FER: variants seen among roughly 807,000 people sequenced by gnomAD.
The protein encoded by FER is tyrosine-protein kinase Fer.
FER carries 63 observed loss-of-function variants against 111.0 expected under a neutral mutation model. The ratio of observed to expected loss-of-function variants is 0.57; its 90% CI spans 0.46 to 0.70. FER has a LOEUF of 0.70. FER is among the 30% of genes least tolerant of loss of function. FER has a pLI of 0.00. For synonymous variants in FER, 327 were observed against 313.9 expected, an observed-to-expected ratio of 1.04 and a Z score of -0.44; for missense variants, 914 against 954.0, an observed-to-expected ratio of 0.96 and a Z score of 0.55.
chr5:109,081,852 A>G (rs1047075233), intron 16 of FER, among the ~76,000 whole-genome samples: 1 of 152,024 alleles, frequency 6.6e-6, no homozygotes, highest in South Asian at 2.1e-4. Flanking sequence ...TTATTAATTT[A>G]TTACTTTTTC....
rs1753520367 is a variant in FER at position 108,924,810 on chromosome 5, A to G, written c.1237-21320A>G. On this transcript the variant is annotated intron_variant, in intron 10 of 19. Coordinates refer to ENST00000281092, the MANE Select transcript of FER (RefSeq NM_005246.4). The stretch of plus-strand genomic sequence containing the variant: ...ATCAGGTAAGGAGAAGTTCTGCCAC[A>G]GGCCTACTTTACCCAGGGCCCCAGA... The G allele has an allele frequency of 7.3e-6, 9 of 1,231,406 alleles. No individual in the cohort carries two copies. In the East Asian group the frequency reaches 2.5e-4, roughly 35 times the overall value. The allele number at this position is 1,231,406 out of a possible 1,614,324, so 76.3% of individuals were successfully genotyped here.
At chr5:108,949,231 C>G (rs1370223829) in intron 11 of FER, among the ~76,000 whole-genome samples, 1 of 152,020 alleles carries the variant, frequency 6.6e-6, no homozygotes, top group Non-Finnish European at 1.5e-5. Context: ...ATGTGAACTG[C>G]TTGTATTTTT....
chr5:108,847,265 C>A (rs938232698), intron 5 of FER, among the ~76,000 whole-genome samples: 13 of 149,802 alleles, frequency 8.7e-5, no homozygotes, highest in Non-Finnish European at 1.5e-4. Context: ...GTGTGTTTTT[C>A]TTTGATTCAT....
chr5:109,084,482 G>GTATTTAT (rs2150028025), intron 16 of FER, among the ~76,000 whole-genome samples: 1 of 148,760 alleles, frequency 6.7e-6, no homozygotes, highest in East Asian at 1.9e-4. Flanking sequence ...TCTGTTATGT[G>GTATTTAT]GGGTTATTTT....
chr5:109,042,368 C>A (rs1473789646), intron 14 of FER, among the ~76,000 whole-genome samples: 1 of 152,090 alleles, frequency 6.6e-6, no homozygotes, highest in Admixed American at 6.5e-5. Flanking sequence ...TATATTCAGT[C>A]CCTCACCTCC....
At chr5:109,172,864 G>A (rs1277409614) in intron 17 of FER, among the ~76,000 whole-genome samples, 9 of 151,816 alleles carry the variant, frequency 5.9e-5, no homozygotes, top group African/African-American at 1.9e-4. Context: ...TTGACTGAGA[G>A]AAATTTATAT....
chr5:108,953,923 T>A lies in FER; in HGVS notation c.1330-806T>A, dbSNP rs369911821. ...CAACAACATCAACAAGATTCTTACT[T>A]GTAATCAGAAAATGTGTGATTTAAT... On this transcript the variant is annotated intron_variant, in intron 11 of 19. Transcript: ENST00000281092. Among the ~76,000 whole-genome samples the A allele has an allele frequency of 4.6e-5, 7 of 152,078 alleles. No homozygotes were observed. In the East Asian group the frequency reaches 9.6e-4, roughly 21 times the overall value.
chr5:108,848,850 T>C (rs992400667), intron 5 of FER, among the ~76,000 whole-genome samples: 1 of 152,132 alleles, frequency 6.6e-6, no homozygotes, highest in Non-Finnish European at 1.5e-5. Flanking sequence ...TTTCTTGTAA[T>C]GTAGGTCTGC....
At chr5:109,135,132 G>A (rs541697344) in intron 17 of FER, among the ~76,000 whole-genome samples, 83 of 152,300 alleles carry the variant, frequency 5.4e-4, no homozygotes, top group African/African-American at 1.9e-3. Context: ...GTTGATACCT[G>A]TGGAACACAA....
At chr5:109,112,574 A>T (rs1038616174) in intron 17 of FER, among the ~76,000 whole-genome samples, 8 of 151,720 alleles carry the variant, frequency 5.3e-5, no homozygotes, top group Non-Finnish European at 1.0e-4. Context: ...CACCTCTCTC[A>T]CTCTCTCTTT....
chr5:108,895,374 C>G (rs1021972757), intron 9 of FER, among the ~76,000 whole-genome samples: 2 of 152,118 alleles, frequency 1.3e-5, no homozygotes, highest in East Asian at 1.9e-4. Flanking sequence ...GATTTATTCT[C>G]TTATAGTTCT....
intron 13 of FER, among the ~76,000 whole-genome samples, chr5:108,979,274 A>T (rs1761756604): frequency 6.6e-6 from 1 of 152,086 alleles, no homozygotes; most frequent in African/African-American, 2.4e-5. Context: ...CACCTTCTCT[A>T]CCAGCTGTAT....
intron 17 of FER, among the ~76,000 whole-genome samples, chr5:109,176,230 A>G (rs990885874): frequency 2.0e-5 from 3 of 152,218 alleles, no homozygotes; most frequent in Non-Finnish European, 2.9e-5. Context: ...AAGATAAGGA[A>G]TCAACCTAAA....
intron 3 of FER, among the ~76,000 whole-genome samples, chr5:108,811,369 T>A (rs1757743699): frequency 6.6e-6 from 1 of 152,248 alleles, no homozygotes; most frequent in African/African-American, 2.4e-5. Context: ...TCTTCGTTAC[T>A]GATTTTAAAT....
intron 3 of FER, among the ~76,000 whole-genome samples, chr5:108,825,109 A>G (rs1035549370): frequency 3.5e-4 from 53 of 152,340 alleles, no homozygotes; most frequent in Non-Finnish European, 4.6e-4. Flanking sequence ...GACGGAGGCG[A>G]AATTAAAATT....
chr5:108,974,099 T>C (rs183906822), intron 13 of FER, among the ~76,000 whole-genome samples: 330 of 152,322 alleles, frequency 2.2e-3, no homozygotes, highest in African/African-American at 7.3e-3. Context: ...GAGTTAACAT[T>C]CAATAAATAC....
chr5:108,866,583 TA>T (rs957864608), intron 5 of FER, among the ~76,000 whole-genome samples: 59 of 143,408 alleles, frequency 4.1e-4, no homozygotes, highest in African/African-American at 4.6e-4. Flanking sequence ...CTTAAAGTAT[TA>T]AAAAAAAAAA....
intron 16 of FER, among the ~76,000 whole-genome samples, chr5:109,068,309 G>A (rs985448789): frequency 2.0e-5 from 3 of 151,716 alleles, no homozygotes; most frequent in East Asian, 1.9e-4. Flanking sequence ...TCAGCCTCCC[G>A]AGTAGCTGGG....
intron 13 of FER, among the ~76,000 whole-genome samples, chr5:109,006,666 A>G (rs544504494): frequency 6.6e-6 from 1 of 152,340 alleles, no homozygotes; most frequent in East Asian, 1.9e-4. Context: ...TTTTAAAACT[A>G]TAACAAAAAT....
Sources: allele counts gnomAD v4.1 joint callset (sites outside exome capture counted in the v4.1 genomes callset), GRCh38; gene constraint gnomAD v4.1.1; transcripts MANE v1.5; gene names NCBI Gene and HGNC (gene_info 2026-07-23, HGNC 2026-07-21).